Variants in PDE7A observed in about 807,000 individuals in gnomAD.
PDE7A encodes the protein phosphodiesterase 7A.
PDE7A carries 39 observed loss-of-function variants against 64.3 expected under a neutral mutation model. The observed-to-expected ratio is 0.61, with a 90% CI of 0.47 to 0.79. PDE7A has a LOEUF of 0.79. Ranked by LOEUF, PDE7A falls within the 30% of genes least tolerant of loss-of-function variation. The probability of loss-of-function intolerance (pLI) is 0.00; values close to 1 mark genes in which losing one functional copy is unlikely to be tolerated. For missense variants in PDE7A, 470 were observed against 582.8 expected (o/e 0.81, Z 1.99); for synonymous variants, 203 against 206.8 (o/e 0.98, Z 0.16).
chr8:65,786,956 C>G (rs1414183618), intron 1 of PDE7A, among the ~76,000 whole-genome samples: 2 of 152,190 alleles, frequency 1.3e-5, no homozygotes, highest in Non-Finnish European at 2.9e-5. Flanking sequence ...TGGTAAGACT[C>G]ACCTTGAATT....
chr8:65,764,405 T>C (rs753029779), intron 3 of PDE7A, among the ~76,000 whole-genome samples: 1 of 152,210 alleles, frequency 6.6e-6, no homozygotes, highest in Non-Finnish European at 1.5e-5. Flanking sequence ...AAATTACAAA[T>C]GATGGATAGC....
chr8:65,744,496 T>C (rs1807583797), intron 5 of PDE7A, among the ~76,000 whole-genome samples: 1 of 152,096 alleles, frequency 6.6e-6, no homozygotes, highest in Non-Finnish European at 1.5e-5. Flanking sequence ...ACATGACCCC[T>C]CCATCCAGAA....
chr8:65,798,527 A>G (rs962939678), intron 1 of PDE7A, among the ~76,000 whole-genome samples: 1 of 152,120 alleles, frequency 6.6e-6, no homozygotes, highest in East Asian at 1.9e-4. Context: ...TTAAAAACTC[A>G]TAACTTAATA....
At position 65,822,055 on chromosome 8, in the gene PDE7A, G is replaced by A. The variant is rs541605709; in HGVS notation, c.138+19316C>T. Among the ~76,000 whole-genome samples, 279 of 152,228 alleles carry A rather than the reference G, an allele frequency of 1.8e-3. 1 individual carries two copies. Among genetic ancestry groups the A allele is most frequent in the South Asian group, 0.011 (53 of 4,814 alleles). ...ATACTTTTATGCTGAAACAAAGAGG[G>A]TATGTTGACCTGGGGTTATGTCCCA... is the stretch of plus-strand genomic sequence containing the variant. On this transcript the variant is annotated intron_variant, in intron 1 of 12. Transcript: ENST00000401827.
intron 1 of PDE7A, among the ~76,000 whole-genome samples, chr8:65,810,413 G>A (rs1360789955): frequency 6.6e-6 from 1 of 152,040 alleles, no homozygotes; most frequent in East Asian, 1.9e-4. Flanking sequence ...GAGTTAATGG[G>A]TGCAGCAAAC....
chr8:65,751,652 C>A (rs1176251340), intron 3 of PDE7A, among the ~76,000 whole-genome samples: 1 of 152,122 alleles, frequency 6.6e-6, no homozygotes, highest in Non-Finnish European at 1.5e-5. Flanking sequence ...GCCACCACAC[C>A]CAGCTAATTT....
intron 3 of PDE7A, among the ~76,000 whole-genome samples, chr8:65,752,141 T>C (rs140893802): frequency 4.6e-5 from 7 of 152,346 alleles, no homozygotes; most frequent in African/African-American, 1.4e-4. Flanking sequence ...CACGAGGAAG[T>C]CACTCTATAT....
intron 1 of PDE7A, chr8:65,788,820 A>G (rs1435534747): frequency 8.6e-7 from 1 of 1,164,550 alleles, no homozygotes. Context: ...GAGCTATTTA[A>G]TTCCTATCAA....
intron 1 of PDE7A, among the ~76,000 whole-genome samples, chr8:65,826,477 T>C (rs1810676795): frequency 6.6e-6 from 1 of 152,214 alleles, no homozygotes; most frequent in Non-Finnish European, 1.5e-5. Context: ...TAGCTTCAGG[T>C]GCCATCACTT....
intron 1 of PDE7A, among the ~76,000 whole-genome samples, chr8:65,833,897 G>C (rs1296473970): frequency 6.6e-6 from 1 of 152,122 alleles, no homozygotes; most frequent in African/African-American, 2.4e-5. Flanking sequence ...GTTGCAATGA[G>C]CCGAGATACT....
chr8:65,818,318 TTC>T (rs1810464092), intron 1 of PDE7A, among the ~76,000 whole-genome samples: 1 of 152,348 alleles, frequency 6.6e-6, no homozygotes, highest in Non-Finnish European at 1.5e-5. Context: ...TGACTCAGAA[TTC>T]TGTTTTCCCC....
chr8:65,828,022 A>G (rs1189067713), intron 1 of PDE7A, among the ~76,000 whole-genome samples: 1 of 152,170 alleles, frequency 6.6e-6, no homozygotes, highest in African/African-American at 2.4e-5. Flanking sequence ...TTAACTAACT[A>G]GACCTCAGTC....
At chr8:65,833,092 C>A (rs965956486) in intron 1 of PDE7A, among the ~76,000 whole-genome samples, 3 of 152,218 alleles carry the variant, frequency 2.0e-5, no homozygotes, top group Non-Finnish European at 4.4e-5. Flanking sequence ...CAACAACACA[C>A]AACCAATCGA....
intron 9 of PDE7A, among the ~76,000 whole-genome samples, 194 bp downstream of exon 9, chr8:65,726,681 A>G (rs184264827): frequency 6.6e-4 from 100 of 152,346 alleles, no homozygotes; most frequent in Admixed American, 1.3e-3. Context: ...AAAAATAACT[A>G]TCCATTAAAA....
chr8:65,757,838 C>T (rs1274116062), intron 3 of PDE7A, among the ~76,000 whole-genome samples: 5 of 152,138 alleles, frequency 3.3e-5, no homozygotes, highest in East Asian at 3.8e-4. Context: ...AGGCTGGTCT[C>T]GATCTCCTGA....
chr8:65,826,151 G>C (rs568599504), intron 1 of PDE7A, among the ~76,000 whole-genome samples: 3 of 152,264 alleles, frequency 2.0e-5, no homozygotes, highest in African/African-American at 4.8e-5. Flanking sequence ...AGATTGAAGA[G>C]GTAGCAGGAA....
chr8:65,833,699 C>G (rs955430867), intron 1 of PDE7A, among the ~76,000 whole-genome samples: 2 of 152,194 alleles, frequency 1.3e-5, no homozygotes, highest in Admixed American at 1.3e-4. Flanking sequence ...CACGGTGGCT[C>G]ATGCTTGTAA....
In PDE7A at chr8:65,719,288, G is replaced by A. The variant is rs1336712865; in HGVS notation, c.*2C>T. The A allele has an allele frequency of 6.2e-7, 1 of 1,608,818 alleles. No individual in the cohort carries two copies. The highest frequency in any genetic ancestry group is 1.1e-5 in the South Asian group (1 of 90,986). On this transcript the variant is annotated 3_prime_UTR_variant, in exon 13 of 13. Coordinates refer to ENST00000401827, the MANE Select transcript of PDE7A (RefSeq NM_001242318.3). The stretch of plus-strand genomic sequence containing the variant: ...GGCAGTTTGTCCCACTGGTTCTGGG[G>A]GTTATGATAACCGATTTTCCTGAGG...
intron 7 of PDE7A, among the ~76,000 whole-genome samples, chr8:65,729,894 T>C (rs1353334958): frequency 6.6e-6 from 1 of 151,902 alleles, no homozygotes; most frequent in East Asian, 1.9e-4. Context: ...CTTGACACAT[T>C]ATGTCCATCC....
Sources: allele counts gnomAD v4.1 joint callset (sites outside exome capture counted in the v4.1 genomes callset), GRCh38; gene constraint gnomAD v4.1.1; transcripts MANE v1.5; gene names NCBI Gene and HGNC (gene_info 2026-07-23, HGNC 2026-07-21).